Variants in PROC observed in about 807,000 individuals in gnomAD.
PROC encodes the protein vitamin K-dependent protein C.
PROC carries 22 observed loss-of-function variants against 36.3 expected under a neutral mutation model. That is an observed-to-expected ratio of 0.61 (90% CI 0.43 to 0.86). The LOEUF is 0.86. Among genes scored for constraint, PROC ranks in the 40% least tolerant of loss-of-function variants. The pLI is 0.00. For synonymous variants in PROC, 218 were observed against 244.5 expected, an observed-to-expected ratio of 0.89 and a Z score of 1.01; for missense variants, 526 against 629.7, an observed-to-expected ratio of 0.84 and a Z score of 1.76.
In PROC at chr2:127,429,148, G is replaced by A. The variant is rs960083122; in HGVS notation, c.*202G>A. 6.2e-6 allele frequency: 4 copies of A among 640,872 alleles called. No individual in the cohort carries two copies. Among genetic ancestry groups the A allele is most frequent in the Non-Finnish European group, 1.1e-5 (4 of 374,730 alleles). The allele number at this position is 640,872 out of a possible 1,614,324, so 39.7% of individuals were successfully genotyped here. On this transcript the variant is annotated 3_prime_UTR_variant, in exon 9 of 9. Coordinates refer to ENST00000234071, the MANE Select transcript of PROC (RefSeq NM_000312.4). ...AACTCCTAGAGCAACTCTGTGGGGT[G>A]GGGAGGAGCAGATCCAAGTTTTGCG...
Position 127,426,404 on chromosome 2 carries a change from C to G in PROC, c.678+177C>G. 1 of 873,136 alleles carries G rather than the reference C, an allele frequency of 1.1e-6. No homozygotes were observed. Among genetic ancestry groups the G allele is most frequent in the Non-Finnish European group, 1.8e-6 (1 of 568,306 alleles). The allele number at this position is 873,136 out of a possible 1,614,324, so 54.1% of individuals were successfully genotyped here. ...TGGACGCAACCTGAGGGGAGAGGAG[C>G]AGCCAGGGTGGGTGAGGGGAGGGGC... On this transcript the variant is annotated intron_variant, in intron 7 of 8. Transcript: ENST00000234071. This position sits in a 1 kb window ranked among gnomAD's most constrained non-coding sequence, Gnocchi z 7.0.
chr2:127,418,485 C>T lies in PROC; in HGVS notation c.-29C>T. On this transcript the variant is annotated 5_prime_UTR_variant, in exon 1 of 9. Transcript: ENST00000234071. This position sits in a 1 kb window ranked among gnomAD's most constrained non-coding sequence, Gnocchi z 4.8. ...GGCGAACTTGCAGTATCTCCACGAC[C>T]CGCCCCTGTGAGTCCCCCTCCAGGC... 1 of 1,289,810 alleles carries T rather than the reference C, an allele frequency of 7.8e-7. No homozygotes were observed. The highest frequency in any genetic ancestry group is 1.0e-6 in the Non-Finnish European group (1 of 988,858). The allele number at this position is 1,289,810 out of a possible 1,614,324, so 79.9% of individuals were successfully genotyped here.
chr2:127,425,968 G>A, intron 6 of PROC, 117 bp from the exon 7 acceptor site: 1 of 1,129,468 alleles, frequency 8.9e-7, no homozygotes, highest in Non-Finnish European at 1.3e-6. Flanking sequence ...AAGTATCATT[G>A]GTTCCTTGAA....
intron 8 of PROC, among the ~76,000 whole-genome samples, 175 bp from the exon 9 acceptor site, chr2:127,428,182 T>C (rs1356036559): frequency 6.6e-6 from 1 of 152,212 alleles, no homozygotes; most frequent in African/African-American, 2.4e-5. Context: ...TTCCACGGCA[T>C]AGACAGGTGG....
Position 127,428,694 on chromosome 2 carries a change from C to G in PROC, c.1134C>G (p.Ser378Arg). ...ACAATGAGTGCAGCGAGGTCATGAG[C>G]AACATGGTGTCTGAGAACATGCTGT... Reference protein sequence around the residue: ...VPHNECSEVMSNMVSENMLCA... With the variant: ...VPHNECSEVMRNMVSENMLCA... The change falls in exon 9 of 9, where the codon AGC becomes AGG. Residue 378 changes from serine to arginine, a missense_variant. By Grantham distance (110) the Ser-to-Arg change is moderately radical (BLOSUM62 -1). Coordinates refer to ENST00000234071, the MANE Select transcript of PROC (RefSeq NM_000312.4). 1 of 1,613,900 alleles carries G rather than the reference C, an allele frequency of 6.2e-7. No individual in the cohort carries two copies. Among genetic ancestry groups the G allele is most frequent in the South Asian group, 1.1e-5 (1 of 91,088 alleles).
At chr2:127,421,932 T>C (rs147227592) in intron 3 of PROC, among the ~76,000 whole-genome samples, 1 of 152,290 alleles carries the variant, frequency 6.6e-6, no homozygotes, top group African/African-American at 2.4e-5. Context: ...GTGTCCTATT[T>C]GTCTAAGGGT....
chr2:127,428,326 G>A (rs777218819), intron 8 of PROC, 31 bp from the exon 9 acceptor site: 9 of 1,607,756 alleles, frequency 5.6e-6, no homozygotes, highest in Non-Finnish European at 6.0e-6. Flanking sequence ...GCTCCCCGCA[G>A]CCCACTCTGA....
chr2:127,421,151 AGAAT>A (rs1688066675), intron 2 of PROC, 128 bp from the exon 3 acceptor site: 2 of 901,968 alleles, frequency 2.2e-6, no homozygotes, highest in Non-Finnish European at 3.5e-6. Flanking sequence ...ACCTAGAATT[AGAAT>A]GAGTCTTGAG....
chr2:127,428,845 C>T lies in PROC; in HGVS notation c.1285C>T (p.Leu429Phe). Residue 429 changes from leucine (L) to phenylalanine (F), a missense_variant, in exon 9 of 9, where the codon CTT (leucine) becomes TTT (phenylalanine). Leu to Phe is a conservative substitution (Grantham distance 22, BLOSUM62 0). Transcript: ENST00000234071. ...LVSWGEGCGLLHNYGVYTKVS... is the reference protein window; with the variant it reads ...LVSWGEGCGLFHNYGVYTKVS... ...GAGCTGGGGTGAGGGCTGTGGGCTC[C>T]TTCACAACTACGGCGTTTACACCAA... The T allele has an allele frequency of 2.5e-6, 4 of 1,612,952 alleles. No individual in the cohort carries two copies. The East Asian group carries it at 8.9e-5, about 36-fold the overall frequency.
chr2:127,428,434 A>G lies in PROC; in HGVS notation c.874A>G (p.Ser292Gly), dbSNP rs1688668887. ...IKEVFVHPNYSKSTTDNDIAL... is the reference protein window; with the variant it reads ...IKEVFVHPNYGKSTTDNDIAL... ...GGAGGTCTTCGTCCACCCCAACTACAGCAAGAGCACCACCGACAATGACAT... is the reference window on the plus strand; with the variant it reads ...GGAGGTCTTCGTCCACCCCAACTACGGCAAGAGCACCACCGACAATGACAT... The change falls in exon 9 of 9, where the codon AGC becomes GGC. Residue 292 changes from serine (S) to glycine (G), a missense_variant. Coordinates refer to ENST00000234071, the MANE Select transcript of PROC (RefSeq NM_000312.4). 6.2e-7 allele frequency: 1 copy of G among 1,614,134 alleles called. No individual in the cohort carries two copies. The highest frequency in any genetic ancestry group is 8.5e-7 in the Non-Finnish European group (1 of 1,180,024).
intron 6 of PROC, 57 bp downstream of exon 6, chr2:127,423,465 C>G: frequency 1.3e-6 from 2 of 1,528,674 alleles, no homozygotes; most frequent in South Asian, 1.2e-5. Flanking sequence ...GTGGGCAGGC[C>G]CCCTGACGGG....
Position 127,426,032 on chromosome 2 carries a change from G to A in PROC, c.536-53G>A. 3.1e-6 allele frequency: 5 copies of A among 1,611,580 alleles called. No homozygotes were observed. The highest frequency in any genetic ancestry group is 1.7e-5 in the Admixed American group (1 of 59,960). On this transcript the variant is annotated intron_variant, in intron 6 of 8. Transcript: ENST00000234071. This position sits in a 1 kb window ranked among gnomAD's most constrained non-coding sequence, Gnocchi z 7.0. ...GCTGGAGGAGGACCAAGACAGGAGG[G>A]CAGTCTCGGGAGGAGTGCCTGGCAG...
At chr2:127,423,540 G>T (rs543303241) in intron 6 of PROC, 132 bp downstream of exon 6, 3 of 1,253,916 alleles carry the variant, frequency 2.4e-6, no homozygotes, top group Non-Finnish European at 3.2e-6. Flanking sequence ...GAGCCTTGGG[G>T]CAGCGGCAGA....
chr2:127,420,089 C>T (rs751692816), intron 2 of PROC, 77 bp downstream of exon 2: 247 of 1,472,518 alleles, frequency 1.7e-4, no homozygotes, highest in Admixed American at 5.2e-5. Flanking sequence ...CAGGCCTTCA[C>T]AGCTTCCACC....
intron 6 of PROC, 151 bp from the exon 7 acceptor site, chr2:127,425,934 T>A: frequency 1.3e-6 from 1 of 782,428 alleles, no homozygotes; most frequent in East Asian, 2.8e-5. Flanking sequence ...AGGGGGTTCA[T>A]AGCTAATATT....
At chr2:127,421,073 C>T (rs1688062842) in intron 2 of PROC, among the ~76,000 whole-genome samples, 1 of 152,164 alleles carries the variant, frequency 6.6e-6, no homozygotes, top group Non-Finnish European at 1.5e-5. Context: ...CAGAGCAAGG[C>T]TTCGTCCTCC....
intron 3 of PROC, 37 bp from the exon 4 acceptor site, chr2:127,422,880 G>A (rs1269909170): frequency 3.2e-6 from 5 of 1,547,734 alleles, no homozygotes; most frequent in Non-Finnish European, 4.4e-6. Flanking sequence ...TCCGCACACC[G>A]GCTGCAGGAG....
In PROC at chr2:127,429,040, C is replaced by A; in HGVS notation, c.*94C>A. 1 of 1,429,164 alleles carries A rather than the reference C, an allele frequency of 7.0e-7. No homozygotes were observed. The highest frequency in any genetic ancestry group is 9.8e-7 in the Non-Finnish European group (1 of 1,020,886). The allele number at this position is 1,429,164 out of a possible 1,614,324, so 88.5% of individuals were successfully genotyped here. A position where few individuals can be genotyped will look rare whatever the true frequency, so the allele number is the denominator to read the frequency against. On this transcript the variant is annotated 3_prime_UTR_variant, in exon 9 of 9. Coordinates refer to ENST00000234071, the MANE Select transcript of PROC (RefSeq NM_000312.4). ...ACACCGGCCTGCTGTTCTGTCCTTC[C>A]ATCCCTCTTTTGGGCTCTTCTGGAG...
intron 1 of PROC, chr2:127,419,555 A>G (rs1298992257): frequency 1.1e-5 from 4 of 349,574 alleles, no homozygotes; most frequent in Admixed American, 8.1e-5. Context: ...TGCCCTGTGA[A>G]TCCTGTAAAA....
Sources: gnomAD v4.1 joint callset for allele counts (sites outside exome capture counted in the v4.1 genomes callset) on GRCh38, gnomAD v4.1.1 for gene constraint, Gnocchi (gnomAD v3.1) non-coding constraint, MANE v1.5 for transcripts, NCBI Gene and HGNC (gene_info 2026-07-23, HGNC 2026-07-21) for gene names.